MCM9: variants seen among roughly 807,000 people sequenced by gnomAD.
MCM9 encodes DNA helicase MCM9.
In MCM9, 55 loss-of-function variants were observed where a neutral mutation model predicts 72.8. That is an observed-to-expected ratio of 0.76 (90% CI 0.61 to 0.95). The LOEUF (loss-of-function observed/expected upper bound fraction) is 0.95. Ranked by LOEUF, MCM9 falls within the 40% of genes least tolerant of loss-of-function variation. MCM9 has a pLI of 0.00. For synonymous variants in MCM9, 480 were observed against 503.4 expected, an observed-to-expected ratio of 0.95 and a Z score of 0.62; for missense variants, 1,279 against 1,377.0, an observed-to-expected ratio of 0.93 and a Z score of 1.13.
At chr6:118,889,464 C>T (rs1442648467) in intron 8 of MCM9, among the ~76,000 whole-genome samples, 1 of 152,156 alleles carries the variant, frequency 6.6e-6, no homozygotes, top group African/African-American at 2.4e-5. Context: ...TGAGTCCTCT[C>T]TACCGATTAC....
intron 8 of MCM9, among the ~76,000 whole-genome samples, chr6:118,893,428 GA>G (rs1390651526): frequency 3.9e-5 from 6 of 152,088 alleles, no homozygotes; most frequent in Non-Finnish European, 8.8e-5. Context: ...AAGTATAACT[GA>G]TCACACCTCT....
intron 13 of MCM9, among the ~76,000 whole-genome samples, chr6:118,823,301 G>C (rs1174371017): frequency 6.6e-6 from 1 of 152,198 alleles, no homozygotes; most frequent in African/African-American, 2.4e-5. Flanking sequence ...GTAGTATCCA[G>C]GCCAGGTAGC....
At chr6:118,901,270 GTAA>G in intron 8 of MCM9, among the ~76,000 whole-genome samples, 1 of 152,166 alleles carries the variant, frequency 6.6e-6, no homozygotes, top group Non-Finnish European at 1.5e-5. Flanking sequence ...GGCATTGTTA[GTAA>G]TATGCATCTT....
At chr6:118,826,973 C>A in intron 11 of MCM9, 109 bp from the exon 12 acceptor site, 1 of 836,124 alleles carries the variant, frequency 1.2e-6, no homozygotes, top group Non-Finnish European at 1.9e-6. Flanking sequence ...CTATTAATAA[C>A]AACATAATTT....
At chr6:118,869,490 A>G (rs1777441769) in intron 8 of MCM9, among the ~76,000 whole-genome samples, 1 of 151,282 alleles carries the variant, frequency 6.6e-6, no homozygotes, top group Non-Finnish European at 1.5e-5. Flanking sequence ...TAAACACAGA[A>G]CAAACGCCTA....
intron 8 of MCM9, among the ~76,000 whole-genome samples, chr6:118,909,651 A>G (rs940622996): frequency 3.9e-5 from 6 of 152,190 alleles, no homozygotes; most frequent in Non-Finnish European, 8.8e-5. Context: ...GGCTGAGAAA[A>G]CATTCCAGAG....
rs920896492 is a variant in MCM9 at position 118,813,894 on chromosome 6, T to C, written c.*930A>G. The C allele has an allele frequency of 1.3e-5, 2 of 152,156 alleles. No homozygotes were observed. Among genetic ancestry groups the C allele is most frequent in the African/African-American group, 2.4e-5 (1 of 41,428 alleles). The allele number at this position is 152,156 out of a possible 1,614,324, so 9.4% of individuals were successfully genotyped here. ...GAGACTACCACATAGTCTCTCTTCT[T>C]CATTTATTTTATTTTTAGAGACAGG... On this transcript the variant is annotated 3_prime_UTR_variant, in exon 14 of 14. Transcript: ENST00000619706.
intron 11 of MCM9, among the ~76,000 whole-genome samples, chr6:118,827,216 C>A (rs1340391681): frequency 1.3e-5 from 2 of 152,164 alleles, no homozygotes; most frequent in Non-Finnish European, 2.9e-5. Context: ...TCATTTCTGG[C>A]ACTCCTCTTT....
At chr6:118,843,637 A>ATATATATATATATATAT (rs1382347461) in intron 9 of MCM9, among the ~76,000 whole-genome samples, 4 of 5,556 alleles carry the variant, frequency 7.2e-4, no homozygotes, top group Non-Finnish European at 1.2e-3. Context: ...AAAACAAAAC[A>ATATATATATATATATAT]AAACATATAT....
At chr6:118,919,259 C>G (rs1781237514) in intron 5 of MCM9, 1 of 152,172 alleles carries the variant, frequency 6.6e-6, no homozygotes, top group Admixed American at 6.5e-5. Context: ...ATACAGAGCA[C>G]TGAAGCATGG....
intron 8 of MCM9, among the ~76,000 whole-genome samples, chr6:118,897,005 A>T (rs989217134): frequency 4.6e-5 from 7 of 152,046 alleles, no homozygotes; most frequent in African/African-American, 1.7e-4. Context: ...CATTGGGCTA[A>T]TTTTTTAATT....
intron 8 of MCM9, among the ~76,000 whole-genome samples, chr6:118,873,836 C>T (rs1051435957): frequency 6.6e-6 from 1 of 152,148 alleles, no homozygotes; most frequent in Middle Eastern, 3.2e-3. Context: ...AACTGCAGTC[C>T]ATATCTTTCA....
chr6:118,836,890 A>T (rs888598886), intron 9 of MCM9, among the ~76,000 whole-genome samples: 10 of 151,878 alleles, frequency 6.6e-5, no homozygotes, highest in African/African-American at 1.9e-4. Context: ...TAGCTTTTGA[A>T]TTTGTTTGCT....
At chr6:118,841,000 G>A (rs1254256818) in intron 9 of MCM9, among the ~76,000 whole-genome samples, 4 of 152,132 alleles carry the variant, frequency 2.6e-5, no homozygotes, top group Non-Finnish European at 5.9e-5. Flanking sequence ...CCCCTGCCTT[G>A]GCCTCCCAAA....
At chr6:118,856,845 C>T (rs573659684) in intron 8 of MCM9, among the ~76,000 whole-genome samples, 1 of 152,234 alleles carries the variant, frequency 6.6e-6, no homozygotes, top group East Asian at 1.9e-4. Context: ...AGAGCCACTA[C>T]ACTCCAGCCT....
At chr6:118,843,730 A>G (rs570158233) in intron 9 of MCM9, among the ~76,000 whole-genome samples, 5,436 of 134,728 alleles carry the variant, frequency 0.04, 242 homozygotes, top group East Asian at 0.12. Flanking sequence ...GTATATATAT[A>G]TATATATATA....
chr6:118,911,389 G>A, intron 8 of MCM9: 1 of 1,176,492 alleles, frequency 8.5e-7, no homozygotes, highest in African/African-American at 1.6e-5. Flanking sequence ...ACTTTTTCCT[G>A]CATAAAAGTA....
intron 8 of MCM9, among the ~76,000 whole-genome samples, chr6:118,877,677 GA>G (rs1352266884): frequency 2.0e-5 from 3 of 152,170 alleles, no homozygotes; most frequent in African/African-American, 7.2e-5. Context: ...CATGTACTCA[GA>G]AACTTCACTG....
chr6:118,903,145 CTGAAGGGAA>C (rs1779919922), intron 8 of MCM9, among the ~76,000 whole-genome samples: 1 of 152,094 alleles, frequency 6.6e-6, no homozygotes, highest in Non-Finnish European at 1.5e-5. Context: ...AACCAATTTA[CTGAAGGGAA>C]CCAATTTACT....
Sources: gnomAD v4.1 joint callset for allele counts (sites outside exome capture counted in the v4.1 genomes callset) on GRCh38, gnomAD v4.1.1 for gene constraint, MANE v1.5 for transcripts, NCBI Gene and HGNC (gene_info 2026-07-23, HGNC 2026-07-21) for gene names.